TNKS2: variants seen among roughly 807,000 people sequenced by gnomAD.
TNKS2 encodes tankyrase 2, also known as poly [ADP-ribose] polymerase tankyrase-2.
TNKS2 carries 72 observed loss-of-function variants against 137.6 expected under a neutral mutation model. The observed-to-expected ratio is 0.52, with a 90% CI of 0.43 to 0.64. The LOEUF (loss-of-function observed/expected upper bound fraction) is 0.64. Ranked by LOEUF, TNKS2 falls within the 30% of genes least tolerant of loss-of-function variation. TNKS2 has a pLI of 0.00. For synonymous variants in TNKS2, 516 were observed against 512.1 expected, an observed-to-expected ratio of 1.01 and a Z score of -0.10; for missense variants, 1,049 against 1,410.2, an observed-to-expected ratio of 0.74 and a Z score of 4.10.
At position 91,798,932 on chromosome 10, in the gene TNKS2, C is replaced by T. The variant is rs576957746; in HGVS notation, c.199+43C>T. The T allele has an allele frequency of 2.8e-5, 37 of 1,328,228 alleles. No homozygotes were observed. The African/African-American group carries it at 4.6e-4, about 16-fold the overall frequency. The allele number at this position is 1,328,228 out of a possible 1,614,324, so 82.3% of individuals were successfully genotyped here. ...CCCCTCGCCTCGCTCCAGACCCCACCTGCGCAGCCGGGGCCCACAGGTCTG... is the reference window on the plus strand; with the variant it reads ...CCCCTCGCCTCGCTCCAGACCCCACTTGCGCAGCCGGGGCCCACAGGTCTG... On this transcript the variant is annotated intron_variant, in intron 1 of 26. Transcript: ENST00000371627.
intron 19 of TNKS2, 44 bp from the exon 20 acceptor site, chr10:91,849,468 T>C (rs746984653): frequency 1.6e-5 from 24 of 1,457,910 alleles, no homozygotes; most frequent in Non-Finnish European, 2.3e-5. Flanking sequence ...AATACATTAT[T>C]CTGATGTGAA....
intron 4 of TNKS2, 70 bp downstream of exon 4, chr10:91,819,376 A>G: frequency 3.6e-6 from 4 of 1,112,868 alleles, no homozygotes; most frequent in Non-Finnish European, 4.9e-6. Context: ...TTTTTTTTTT[A>G]CAGTAAGCAA....
intron 11 of TNKS2, among the ~76,000 whole-genome samples, chr10:91,832,882 ATACTAT>A (rs1038932116): frequency 1.4e-4 from 21 of 152,264 alleles, no homozygotes; most frequent in African/African-American, 4.3e-4. Context: ...TACCACTTAG[ATACTAT>A]TACTAACATT....
At position 91,827,088 on chromosome 10, in the gene TNKS2, G is replaced by T. The variant is rs1467938794; in HGVS notation, c.867G>T (p.Arg289Ser). ...TTCATGAGGCAGCTTCTAAGAACAG[G>T]GTTGAAGTATGTTCTCTTCTCTTAA... The part of the protein sequence containing the change: ...TPLHEAASKN[R>S]VEVCSLLLSY... The change falls in exon 8 of 27, where the codon AGG becomes AGT. Residue 289 changes from arginine to serine, a missense_variant. Physicochemically the swap from Arg to Ser is moderately radical, Grantham distance 110 (BLOSUM62 -1). Around this residue, in one of 6 missense-constraint regions of TNKS2, gnomAD observed 374 missense variants for 460.8 expected, o/e 0.81. Transcript: ENST00000371627. The T allele has an allele frequency of 1.2e-6, 2 of 1,610,890 alleles. No individual in the cohort carries two copies. Among genetic ancestry groups the T allele is most frequent in the Non-Finnish European group, 1.7e-6 (2 of 1,178,508 alleles).
At chr10:91,818,702 T>A (rs1844787768) in intron 3 of TNKS2, among the ~76,000 whole-genome samples, 2 of 152,094 alleles carry the variant, frequency 1.3e-5, no homozygotes. Flanking sequence ...CCAGCCAATT[T>A]TTGTATTTTT....
At chr10:91,836,898 C>G in intron 12 of TNKS2, 21 bp from the exon 13 acceptor site, 1 of 1,271,070 alleles carries the variant, frequency 7.9e-7, no homozygotes, top group Non-Finnish European at 1.0e-6. Context: ...AGTCACTCTT[C>G]TCTCTCTCTC....
chr10:91,850,748 G>A (rs1016828227), intron 20 of TNKS2, among the ~76,000 whole-genome samples: 13 of 152,064 alleles, frequency 8.5e-5, no homozygotes, highest in African/African-American at 3.1e-4. Context: ...ATTTGAAGAA[G>A]GAAAGGATTA....
intron 1 of TNKS2, 28 bp downstream of exon 1, chr10:91,798,917 C>A (rs910631483): frequency 7.4e-7 from 1 of 1,344,182 alleles, no homozygotes; most frequent in Non-Finnish European, 9.6e-7. Flanking sequence ...CCCCTCGCCT[C>A]GCTCCAGACC....
chr10:91,798,980 C>A, intron 1 of TNKS2, 91 bp downstream of exon 1: 1 of 1,261,620 alleles, frequency 7.9e-7, no homozygotes, highest in Non-Finnish European at 1.0e-6. Flanking sequence ...CTCCGCCTCC[C>A]GACCTTTCTC....
intron 1 of TNKS2, among the ~76,000 whole-genome samples, chr10:91,801,684 G>A (rs1210339677): frequency 2.0e-5 from 3 of 152,108 alleles, no homozygotes; most frequent in Non-Finnish European, 4.4e-5. Flanking sequence ...ATGTTGGTCA[G>A]GCTGGTCTCA....
chr10:91,804,973 A>G (rs559166843), intron 1 of TNKS2, among the ~76,000 whole-genome samples: 11 of 152,292 alleles, frequency 7.2e-5, no homozygotes, highest in South Asian at 6.2e-4. Flanking sequence ...CATGTTGGCT[A>G]TGGTGGTCTC....
chr10:91,808,750 A>G (rs960986343), intron 1 of TNKS2, among the ~76,000 whole-genome samples: 3 of 152,188 alleles, frequency 2.0e-5, no homozygotes, highest in Non-Finnish European at 2.9e-5. Flanking sequence ...TTGTGTATCT[A>G]GGTGGTATTT....
chr10:91,816,194 C>T (rs1041148154), intron 2 of TNKS2, among the ~76,000 whole-genome samples: 3 of 151,906 alleles, frequency 2.0e-5, no homozygotes, highest in Admixed American at 6.6e-5. Context: ...ATGATCTGCC[C>T]GCCTCGGCCT....
In TNKS2 at chr10:91,798,716, G is replaced by C. The variant is rs1844051678; in HGVS notation, c.26G>C (p.Gly9Ala). 2 of 1,238,592 alleles carry C rather than the reference G, an allele frequency of 1.6e-6. No individual in the cohort carries two copies. The allele number at this position is 1,238,592 out of a possible 1,614,324, so 76.7% of individuals were successfully genotyped here. MSGRRCAG[G>A]GAACASAAAE... ...ATGTCGGGTCGCCGCTGCGCCGGCG[G>C]GGGAGCGGCCTGCGCGAGCGCCGCG... is the stretch of plus-strand genomic sequence containing the variant. The change falls in exon 1 of 27, where the codon GGG becomes GCG. Residue 9 changes from glycine (G) to alanine (A), a missense_variant. By Grantham distance (60) the Gly-to-Ala change is moderately conservative (BLOSUM62 0). Around this residue, in one of 6 missense-constraint regions of TNKS2, gnomAD observed 374 missense variants for 460.8 expected, o/e 0.81. Coordinates refer to ENST00000371627, the MANE Select transcript of TNKS2 (RefSeq NM_025235.4).
intron 23 of TNKS2, among the ~76,000 whole-genome samples, chr10:91,856,424 A>G (rs1842705762): frequency 6.6e-6 from 1 of 152,226 alleles, no homozygotes. Flanking sequence ...GCTGTATTGT[A>G]TTACTGTTTC....
intron 21 of TNKS2, 111 bp from the exon 22 acceptor site, chr10:91,854,918 T>TAAA: frequency 6.2e-5 from 28 of 452,858 alleles, no homozygotes; most frequent in Non-Finnish European, 7.2e-5. Flanking sequence ...AAAAAAAGTT[T>TAAA]AAAAAAAAAA....
rs184668496 is a variant in TNKS2 at position 91,805,005 on chromosome 10, C to T, written c.199+6116C>T. ...TCTCGAATTCCTGACCTCAGGTGAT[C>T]CACCCACCTCTGTCTCCCAAAGTGC... On this transcript the variant is annotated intron_variant, in intron 1 of 26. Transcript: ENST00000371627. 6.6e-3 allele frequency among the ~76,000 whole-genome samples: 1,000 copies of T among 152,254 alleles called. 2 individuals are homozygous for T. The highest frequency in any genetic ancestry group is 0.014 in the Middle Eastern group (4 of 294).
chr10:91,836,747 G>T, intron 12 of TNKS2, 172 bp from the exon 13 acceptor site: 1 of 985,370 alleles, frequency 1.0e-6, no homozygotes, highest in Non-Finnish European at 1.2e-6. Context: ...AGTTTTAAGA[G>T]AATCTTATTT....
intron 22 of TNKS2, 150 bp downstream of exon 22, chr10:91,855,276 A>G (rs1269055869): frequency 2.4e-5 from 15 of 632,810 alleles, no homozygotes; most frequent in African/African-American, 3.7e-5. Context: ...TACTAGAGTA[A>G]TATTACTCTA....
Sources: allele counts gnomAD v4.1 joint callset (sites outside exome capture counted in the v4.1 genomes callset), GRCh38; gene constraint gnomAD v4.1.1; regional missense constraint gnomAD v4.1.1; transcripts MANE v1.5; gene names NCBI Gene and HGNC (gene_info 2026-07-23, HGNC 2026-07-21).